The following CSMD1 variants were observed in gnomAD, a reference collection of about 807,000 sequenced individuals.
CSMD1 encodes the protein CUB and sushi domain-containing protein 1.
In CSMD1, 213 loss-of-function variants were observed where a neutral mutation model predicts 417.5. That is an observed-to-expected ratio of 0.51 (90% CI 0.46 to 0.57). CSMD1 has a LOEUF of 0.57. Ranked by LOEUF, CSMD1 falls within the 20% of genes least tolerant of loss-of-function variation. The probability of loss-of-function intolerance (pLI) is 0.00; values close to 1 mark genes in which losing one functional copy is unlikely to be tolerated. For synonymous variants in CSMD1, 2,862 were observed against 1,736.8 expected (o/e 1.65, Z -16.11); for missense variants, 6,923 against 4,529.7 (o/e 1.53, Z -15.17).
chr8:4,683,367 C>T (rs569518251), intron 1 of CSMD1, among the ~76,000 whole-genome samples: 3 of 152,168 alleles, frequency 2.0e-5, no homozygotes, highest in South Asian at 4.2e-4. Context: ...TTCTCCAAGC[C>T]GAAACCCTCT....
rs117011088 is a variant in CSMD1 at position 4,450,264 on chromosome 8, G to C, written c.303-30199C>G. Among the ~76,000 whole-genome samples the C allele has an allele frequency of 6.6e-3, 1,007 of 152,280 alleles. 5 individuals carry two copies. The highest frequency in any genetic ancestry group is 0.011 in the Non-Finnish European group (747 of 68,024). ...CAAAGAGACAGTGTCTGATCTTCAGGAGCACACAACATGGGAGAAAGCTGT... is the reference window on the plus strand; with the variant it reads ...CAAAGAGACAGTGTCTGATCTTCAGCAGCACACAACATGGGAGAAAGCTGT... On this transcript the variant is annotated intron_variant, in intron 2 of 69. Transcript: ENST00000635120.
At chr8:4,025,650 A>G (rs1429855813) in intron 4 of CSMD1, among the ~76,000 whole-genome samples, 1 of 152,206 alleles carries the variant, frequency 6.6e-6, no homozygotes, top group Non-Finnish European at 1.5e-5. Flanking sequence ...AGGTGAATTA[A>G]GAAAGACACA....
At chr8:4,685,625 C>T (rs950868371) in intron 1 of CSMD1, among the ~76,000 whole-genome samples, 4 of 151,910 alleles carry the variant, frequency 2.6e-5, no homozygotes, top group Middle Eastern at 6.3e-3. Context: ...CGTAAGCACA[C>T]CATCACACCA....
At chr8:3,858,761 G>C (rs77168231) in intron 5 of CSMD1, among the ~76,000 whole-genome samples, 10 of 151,990 alleles carry the variant, frequency 6.6e-5, no homozygotes, top group African/African-American at 2.2e-4. Context: ...TTACACTCCT[G>C]TATAACTTAT....
intron 39 of CSMD1, among the ~76,000 whole-genome samples, chr8:3,153,532 C>T (rs906773575): frequency 1.3e-5 from 2 of 151,990 alleles, no homozygotes; most frequent in Non-Finnish European, 2.9e-5. Context: ...TGAAAAAGGC[C>T]GAATCAATGA....
intron 2 of CSMD1, among the ~76,000 whole-genome samples, chr8:4,482,920 T>G (rs1201773760): frequency 6.6e-6 from 1 of 152,138 alleles, no homozygotes; most frequent in Non-Finnish European, 1.5e-5. Flanking sequence ...ATATATTAAT[T>G]TTTAGTAAGT....
intron 1 of CSMD1, among the ~76,000 whole-genome samples, chr8:4,641,125 T>C (rs530966697): frequency 6.6e-6 from 1 of 151,630 alleles, no homozygotes; most frequent in Non-Finnish European, 1.5e-5. Context: ...AAAATACACA[T>C]CTGTAATTGC....
chr8:3,666,998 A>C (rs1782482091), intron 7 of CSMD1, among the ~76,000 whole-genome samples: 1 of 152,180 alleles, frequency 6.6e-6, no homozygotes, highest in African/African-American at 2.4e-5. Flanking sequence ...GCAGAAAGAT[A>C]ACTATGGCAC....
At chr8:3,313,934 G>T (rs570655740) in intron 23 of CSMD1, among the ~76,000 whole-genome samples, 75 of 152,280 alleles carry the variant, frequency 4.9e-4, no homozygotes, top group Non-Finnish European at 9.7e-4. Flanking sequence ...GGAATACTAT[G>T]CAGCCATAAA....
chr8:3,970,174 G>C (rs998155204), intron 5 of CSMD1, among the ~76,000 whole-genome samples: 2 of 148,022 alleles, frequency 1.4e-5, no homozygotes, highest in African/African-American at 4.9e-5. Flanking sequence ...CAGTTGAATA[G>C]GAACCTCTTG....
At chr8:3,878,569 T>A (rs546339655) in intron 5 of CSMD1, among the ~76,000 whole-genome samples, 2 of 152,210 alleles carry the variant, frequency 1.3e-5, no homozygotes, top group African/African-American at 4.8e-5. Flanking sequence ...ATAGAAAAAA[T>A]TGCGTGCATT....
intron 7 of CSMD1, among the ~76,000 whole-genome samples, chr8:3,681,846 T>G (rs527572167): frequency 4.8e-4 from 73 of 152,170 alleles, no homozygotes; most frequent in Non-Finnish European, 7.1e-4. Context: ...AACAGAGATA[T>G]AGACCAATGG....
intron 17 of CSMD1, among the ~76,000 whole-genome samples, chr8:3,391,437 T>A (rs1450830999): frequency 1.3e-5 from 2 of 152,194 alleles, no homozygotes; most frequent in Non-Finnish European, 2.9e-5. Context: ...TTATGACAAT[T>A]TTAAAGTGGT....
At chr8:4,912,801 G>T (rs563177652) in intron 1 of CSMD1, among the ~76,000 whole-genome samples, 10 of 151,460 alleles carry the variant, frequency 6.6e-5, no homozygotes, top group Admixed American at 3.3e-4. Context: ...TTTTTGGAGG[G>T]GGGGCACAGA....
intron 53 of CSMD1, among the ~76,000 whole-genome samples, chr8:2,999,500 T>G (rs1336586914): frequency 6.6e-6 from 1 of 152,164 alleles, no homozygotes; most frequent in Non-Finnish European, 1.5e-5. Flanking sequence ...CAAAACTCCC[T>G]ATATTCTTGA....
At chr8:3,646,141 T>G (rs1797558895) in intron 7 of CSMD1, among the ~76,000 whole-genome samples, 1 of 151,642 alleles carries the variant, frequency 6.6e-6, no homozygotes, top group Non-Finnish European at 1.5e-5. Context: ...TTATTAACAC[T>G]GAAAAATTCA....
intron 43 of CSMD1, among the ~76,000 whole-genome samples, chr8:3,109,481 C>G (rs1011539503): frequency 6.6e-6 from 1 of 152,150 alleles, no homozygotes; most frequent in Non-Finnish European, 1.5e-5. Flanking sequence ...TCTTAGATGT[C>G]TGATTTACTT....
intron 1 of CSMD1, among the ~76,000 whole-genome samples, chr8:4,808,577 C>G (rs1298856087): frequency 6.6e-6 from 1 of 152,244 alleles, no homozygotes; most frequent in African/African-American, 2.4e-5. Flanking sequence ...AGACACTTAT[C>G]ATAATGGGTG....
chr8:3,787,039 TGTGAAGTG>T (rs1563078836), intron 5 of CSMD1, among the ~76,000 whole-genome samples: 1 of 152,164 alleles, frequency 6.6e-6, no homozygotes, highest in African/African-American at 2.4e-5. Flanking sequence ...AACTTCTATG[TGTGAAGTG>T]TCATATTTAT....
Sources: allele counts gnomAD v4.1 joint callset (sites outside exome capture counted in the v4.1 genomes callset), GRCh38; gene constraint gnomAD v4.1.1; transcripts MANE v1.5; gene names NCBI Gene and HGNC (gene_info 2026-07-23, HGNC 2026-07-21).